SIM1: variants seen among roughly 807,000 people sequenced by gnomAD.
SIM1 encodes the protein single-minded homolog 1.
SIM1 carries 18 observed loss-of-function variants against 78.2 expected under a neutral mutation model. That is an observed-to-expected ratio of 0.23 (90% CI 0.16 to 0.34). SIM1 has a LOEUF of 0.34. Among genes scored for constraint, SIM1 ranks in the 10% least tolerant of loss-of-function variants. The pLI is 1.00. For missense variants in SIM1, 939 were observed against 975.1 expected (o/e 0.96, Z 0.49); for synonymous variants, 417 against 385.2 (o/e 1.08, Z -0.97).
rs1562239680 is a variant in SIM1 at position 100,412,616 on chromosome 6, GAAA to G, written c.1167+8171_1167+8173del. 6.0e-4 allele frequency among the ~76,000 whole-genome samples: 55 copies of G among 91,870 alleles called. 2 individuals are homozygous for G. Among genetic ancestry groups the G allele is most frequent in the African/African-American group, 1.9e-3 (50 of 26,032 alleles). The allele number at this position is 91,870 out of a possible 152,430, so 60.3% of individuals were successfully genotyped here. ...GAAAGAAAGAAAGAAAGAAAGGAAA[GAAA>G]GAAGGAAAGAAAGAAAGAAAAGAAA... On this transcript the variant is annotated intron_variant, in intron 10 of 11. Coordinates refer to ENST00000369208, the MANE Select transcript of SIM1 (RefSeq NM_005068.3).
At chr6:100,440,521 G>C (rs1387545184) in intron 9 of SIM1, among the ~76,000 whole-genome samples, 1 of 152,194 alleles carries the variant, frequency 6.6e-6, no homozygotes, top group Admixed American at 6.5e-5. Flanking sequence ...CCAAGGAGGA[G>C]CCCTCTTCCC....
chr6:100,410,462 A>C lies in SIM1; in HGVS notation c.1167+10328T>G, dbSNP rs73509325. ...GATCCAAACCACACTACACTATGGAATTGTGACATGCTGAACATAAATTAT... is the reference window on the plus strand; with the variant it reads ...GATCCAAACCACACTACACTATGGACTTGTGACATGCTGAACATAAATTAT... On this transcript the variant is annotated intron_variant, in intron 10 of 11. Transcript: ENST00000369208. Among the ~76,000 whole-genome samples, 469 of 152,310 alleles carry C rather than the reference A, an allele frequency of 3.1e-3. 1 individual carries two copies. Among genetic ancestry groups the C allele is most frequent in the African/African-American group, 0.011 (454 of 41,562 alleles).
rs1179319591 is a variant in SIM1, at chr6:100,389,077, A to G, written c.*1284T>C. ...CTTACAAACCAGGAAACTAGAGCCC[A>G]GGCACGGTGAATGGTACAACTGTGG... is the stretch of plus-strand genomic sequence containing the variant. On this transcript the variant is annotated 3_prime_UTR_variant, in exon 12 of 12. Coordinates refer to ENST00000369208, the MANE Select transcript of SIM1 (RefSeq NM_005068.3). 3 of 152,306 alleles carry G rather than the reference A, an allele frequency of 2.0e-5. No individual in the cohort carries two copies. The highest frequency in any genetic ancestry group is 7.2e-5 in the African/African-American group (3 of 41,462). The allele number at this position is 152,306 out of a possible 1,614,324, so 9.4% of individuals were successfully genotyped here.
intron 10 of SIM1, among the ~76,000 whole-genome samples, chr6:100,406,331 C>T (rs1312673894): frequency 6.6e-6 from 1 of 152,182 alleles, no homozygotes; most frequent in Non-Finnish European, 1.5e-5. Context: ...TAAATGGGTA[C>T]AGGTGGTGCC....
chr6:100,396,402 G>A (rs997673466), intron 10 of SIM1, among the ~76,000 whole-genome samples: 6 of 152,058 alleles, frequency 3.9e-5, no homozygotes, highest in Non-Finnish European at 7.4e-5. Context: ...TGCTATTGGC[G>A]CAACAGAGAA....
chr6:100,414,240 C>T (rs1411523017), intron 10 of SIM1, among the ~76,000 whole-genome samples: 1 of 152,184 alleles, frequency 6.6e-6, no homozygotes, highest in Non-Finnish European at 1.5e-5. Flanking sequence ...AATAAAAGGG[C>T]AGAAATTGTG....
chr6:100,461,837 C>CT (rs1225684730), intron 2 of SIM1, among the ~76,000 whole-genome samples: 8 of 72,882 alleles, frequency 1.1e-4, no homozygotes, highest in African/African-American at 4.6e-4. Context: ...TTCTTTCTTT[C>CT]TTTCTTTTTT....
chr6:100,462,563 C>T (rs1475317205), intron 2 of SIM1: 3 of 152,182 alleles, frequency 2.0e-5, no homozygotes, highest in African/African-American at 7.2e-5. Context: ...AGACAATTTT[C>T]TCAGGATCTA....
intron 11 of SIM1, among the ~76,000 whole-genome samples, chr6:100,393,203 G>A (rs1054724279): frequency 4.6e-5 from 7 of 152,096 alleles, no homozygotes; most frequent in African/African-American, 1.2e-4. Flanking sequence ...ATGTAAATGC[G>A]TACACACTAC....
chr6:100,433,396 G>A (rs556494718), intron 9 of SIM1, among the ~76,000 whole-genome samples: 4 of 152,082 alleles, frequency 2.6e-5, no homozygotes, highest in East Asian at 1.9e-4. Context: ...TCCCTCCATC[G>A]GGAATACTCT....
chr6:100,387,197 G>A lies in SIM1; in HGVS notation c.*3164C>T, dbSNP rs1469230264. On this transcript the variant is annotated 3_prime_UTR_variant, in exon 12 of 12. Transcript: ENST00000369208. ...GTAATTGGATAGAGCACATTTTTAT[G>A]TATCCCCAAGGTGATATGAAAATCA... 4 of 151,958 alleles carry A rather than the reference G, an allele frequency of 2.6e-5. No individual in the cohort carries two copies. Among genetic ancestry groups the A allele is most frequent in the East Asian group, 1.9e-4 (1 of 5,190 alleles). The allele number at this position is 151,958 out of a possible 1,614,324, so 9.4% of individuals were successfully genotyped here. A position where few individuals can be genotyped will look rare whatever the true frequency, so the allele number is the denominator to read the frequency against.
rs1770550871 is a variant in SIM1, at chr6:100,387,937, A to G, written c.*2424T>C. 6.6e-6 allele frequency: 1 copy of G among 152,114 alleles called. No individual in the cohort carries two copies. Among genetic ancestry groups the G allele is most frequent in the Admixed American group, 6.6e-5 (1 of 15,262 alleles). The allele number at this position is 152,114 out of a possible 1,614,324, so 9.4% of individuals were successfully genotyped here. ...ACATTTGGTAGAATATATAGCCACCAGAAATACCCATCTGTGAAAATTACC... is the reference window on the plus strand; with the variant it reads ...ACATTTGGTAGAATATATAGCCACCGGAAATACCCATCTGTGAAAATTACC... On this transcript the variant is annotated 3_prime_UTR_variant, in exon 12 of 12. Coordinates refer to ENST00000369208, the MANE Select transcript of SIM1 (RefSeq NM_005068.3).
At chr6:100,402,527 T>C (rs934088333) in intron 10 of SIM1, among the ~76,000 whole-genome samples, 2 of 150,918 alleles carry the variant, frequency 1.3e-5, no homozygotes, top group Admixed American at 6.6e-5. Flanking sequence ...ATGGTTCTCC[T>C]AGCCTTTCTT....
intron 11 of SIM1, among the ~76,000 whole-genome samples, chr6:100,391,833 G>A (rs546463280): frequency 6.6e-6 from 1 of 152,240 alleles, no homozygotes; most frequent in South Asian, 2.1e-4. Flanking sequence ...CAGCTTTACA[G>A]GTAATCATAT....
At chr6:100,455,186 A>G (rs1772614764) in intron 2 of SIM1, among the ~76,000 whole-genome samples, 1 of 152,200 alleles carries the variant, frequency 6.6e-6, no homozygotes, top group Non-Finnish European at 1.5e-5. Context: ...GCGCCCCTTA[A>G]GCTCAAATCC....
chr6:100,428,493 C>CGG (rs1036260014), intron 9 of SIM1, among the ~76,000 whole-genome samples: 16 of 152,190 alleles, frequency 1.1e-4, no homozygotes, highest in African/African-American at 3.9e-4. Context: ...AAGCAGCTAA[C>CGG]GGGTGCCTTT....
At chr6:100,463,269 A>G in intron 2 of SIM1, 25 bp downstream of exon 2, 5 of 1,585,962 alleles carry the variant, frequency 3.2e-6, no homozygotes, top group Non-Finnish European at 4.3e-6. Context: ...TGCCTTTGAA[A>G]TTCCATCTGG....
Position 100,396,015 on chromosome 6 carries a change from T to G in SIM1, c.1168-2126A>C, listed in dbSNP as rs181592992. On this transcript the variant is annotated intron_variant, in intron 10 of 11. Transcript: ENST00000369208. Reference sequence around the variant, plus strand: ...AATCCACCTTATCTCCCTGCAGGGTTGTAGAATAGGAGACATCAAGGCATC... The same window carrying G: ...AATCCACCTTATCTCCCTGCAGGGTGGTAGAATAGGAGACATCAAGGCATC... 58 of 822,100 alleles carry G rather than the reference T, an allele frequency of 7.1e-5. No homozygotes were observed. The East Asian group carries it at 6.2e-3, about 88-fold the overall frequency. The allele number at this position is 822,100 out of a possible 1,614,324, so 50.9% of individuals were successfully genotyped here. A position where few individuals can be genotyped will look rare whatever the true frequency, so the allele number is the denominator to read the frequency against.
intron 3 of SIM1, among the ~76,000 whole-genome samples, chr6:100,450,927 T>C (rs1234503793): frequency 2.6e-5 from 4 of 152,136 alleles, no homozygotes; most frequent in Admixed American, 2.0e-4. Flanking sequence ...GATGAGAGGC[T>C]TTACAAGGAG....
Sources: gnomAD v4.1 joint callset for allele counts (sites outside exome capture counted in the v4.1 genomes callset) on GRCh38, gnomAD v4.1.1 for gene constraint, MANE v1.5 for transcripts, NCBI Gene and HGNC (gene_info 2026-07-23, HGNC 2026-07-21) for gene names.